The following COX10 variants were observed in gnomAD, a reference collection of about 807,000 sequenced individuals.
COX10 encodes the protein protoheme IX farnesyltransferase, mitochondrial.
In COX10, 27 loss-of-function variants were observed where a neutral mutation model predicts 37.3. That is an observed-to-expected ratio of 0.72 (90% confidence interval 0.53 to 1.00). The LOEUF is 1.00. Ranked by LOEUF, COX10 falls within the 50% of genes least tolerant of loss-of-function variation. The probability of loss-of-function intolerance (pLI) is 0.00; values close to 1 mark genes in which losing one functional copy is unlikely to be tolerated. For synonymous variants in COX10, 222 were observed against 229.1 expected (o/e 0.97, Z 0.28); for missense variants, 475 against 563.2 (o/e 0.84, Z 1.59).
At chr17:14,126,983 G>A (rs886412224) in intron 4 of COX10, among the ~76,000 whole-genome samples, 54 of 151,914 alleles carry the variant, frequency 3.6e-4, no homozygotes, top group South Asian at 6.2e-4. Context: ...TCGAATTCAT[G>A]TTTCCTTGAG....
At chr17:14,181,701 G>A (rs1905865782) in intron 5 of COX10, among the ~76,000 whole-genome samples, 1 of 152,128 alleles carries the variant, frequency 6.6e-6, no homozygotes, top group South Asian at 2.1e-4. Flanking sequence ...TGTCTGTCAC[G>A]TGGCAGGCAT....
intron 5 of COX10, among the ~76,000 whole-genome samples, chr17:14,172,721 G>A (rs1485159172): frequency 6.6e-6 from 1 of 151,822 alleles, no homozygotes; most frequent in East Asian, 1.9e-4. Flanking sequence ...GGAATTACAG[G>A]TGCCAGTCGC....
At position 14,199,955 on chromosome 17, in the gene COX10, G is replaced by A. The variant is rs531803024; in HGVS notation, c.929-6855G>A. Among the ~76,000 whole-genome samples the A allele has an allele frequency of 3.3e-5, 5 of 152,274 alleles. No individual in the cohort carries two copies. In the South Asian group the frequency reaches 6.2e-4, roughly 19 times the overall value. On this transcript the variant is annotated intron_variant, in intron 6 of 6. Transcript: ENST00000261643. ...ATAGAGCCAGTCATGGAGCAGACGC[G>A]CTACCGTGGGCCACATCAGAGAGGA...
intron 6 of COX10, among the ~76,000 whole-genome samples, chr17:14,195,779 A>G (rs2529629): frequency 0.51 from 77,264 of 151,942 alleles, 20,442 homozygotes; most frequent in East Asian, 0.6. Flanking sequence ...GTGGGGTCTG[A>G]GAATTTTTAT....
chr17:14,071,166 T>C (rs1178557451), intron 1 of COX10, among the ~76,000 whole-genome samples: 1 of 152,226 alleles, frequency 6.6e-6, no homozygotes, highest in Admixed American at 6.5e-5. Context: ...TCAAATATCT[T>C]CTCTGTATGG....
chr17:14,142,248 A>G (rs1321593542), intron 4 of COX10, among the ~76,000 whole-genome samples: 6 of 152,236 alleles, frequency 3.9e-5, no homozygotes, highest in Non-Finnish European at 8.8e-5. Flanking sequence ...TTGTCAGAAA[A>G]CTAGATGCTA....
chr17:14,130,162 A>T (rs1026147959), intron 4 of COX10, among the ~76,000 whole-genome samples: 4 of 152,196 alleles, frequency 2.6e-5, no homozygotes, highest in African/African-American at 7.2e-5. Context: ...TAATTATCTT[A>T]GAGGTGATTG....
intron 5 of COX10, among the ~76,000 whole-genome samples, chr17:14,185,555 CATG>C (rs1361845854): frequency 1.1e-4 from 17 of 152,166 alleles, no homozygotes; most frequent in Admixed American, 5.2e-4. Flanking sequence ...TGAATGTAAC[CATG>C]ATATTTAAAG....
At chr17:14,106,102 C>T (rs1177638924) in intron 4 of COX10, among the ~76,000 whole-genome samples, 1 of 152,028 alleles carries the variant, frequency 6.6e-6, no homozygotes, top group Non-Finnish European at 1.5e-5. Context: ...CAACCTCCTC[C>T]ACCTCCTGGG....
Position 14,159,935 on chromosome 17 carries a change from G to T in COX10, c.683G>T (p.Arg228Leu), listed in dbSNP as rs1384631812. Residue 228 changes from arginine to leucine, a missense_variant, in exon 5 of 7, where the codon CGT (arginine) becomes CTT (leucine). Around this residue, in one of 5 missense-constraint regions of COX10, gnomAD observed 54 missense variants for 70.6 expected, o/e 0.76. Coordinates refer to ENST00000261643, the MANE Select transcript of COX10 (RefSeq NM_001303.4). Reference sequence around the variant, plus strand: ...AGGACAAAGAACAGACCGCTGGTTCGTGGACAGATCAGGTAAAATCACGAA... The same window carrying T: ...AGGACAAAGAACAGACCGCTGGTTCTTGGACAGATCAGGTAAAATCACGAA... ...MNRTKNRPLV[R>L]GQISPLLAVS... 6.2e-7 allele frequency: 1 copy of T among 1,612,164 alleles called. No individual in the cohort carries two copies. The highest frequency in any genetic ancestry group is 8.5e-7 in the Non-Finnish European group (1 of 1,179,398).
In COX10 at chr17:14,199,915, AC is replaced by A. The variant is rs558144993; in HGVS notation, c.929-6892del. 7.8e-4 allele frequency among the ~76,000 whole-genome samples: 119 copies of A among 152,232 alleles called. 1 individual carries two copies. Among genetic ancestry groups the A allele is most frequent in the Non-Finnish European group, 1.5e-3 (103 of 68,022 alleles). On this transcript the variant is annotated intron_variant, in intron 6 of 6. Transcript: ENST00000261643. ...AGCCCCCAGTCTACATAACCACATA[AC>A]CCTAAAAGCACAAATAGAGCCAGTC...
chr17:14,069,807 G>C (rs1409057579), intron 1 of COX10, among the ~76,000 whole-genome samples, 159 bp downstream of exon 1: 1 of 152,196 alleles, frequency 6.6e-6, no homozygotes, highest in Non-Finnish European at 1.5e-5. Context: ...AGCTTGGAGT[G>C]AAGAGGTCAC....
At chr17:14,107,933 G>A (rs2142204234) in intron 4 of COX10, among the ~76,000 whole-genome samples, 1 of 152,120 alleles carries the variant, frequency 6.6e-6, no homozygotes. Flanking sequence ...TCAATCTGTT[G>A]GTCATAGTTC....
intron 3 of COX10, among the ~76,000 whole-genome samples, chr17:14,077,855 G>A (rs1288165508): frequency 6.6e-6 from 1 of 151,554 alleles, no homozygotes; most frequent in Non-Finnish European, 1.5e-5. Context: ...GGTAAATAAT[G>A]TTAGAGTCAG....
At chr17:14,182,662 T>C (rs1905904329) in intron 5 of COX10, among the ~76,000 whole-genome samples, 1 of 152,182 alleles carries the variant, frequency 6.6e-6, no homozygotes, top group Non-Finnish European at 1.5e-5. Context: ...TTGGTTTGAT[T>C]AAGGTTTTGC....
chr17:14,160,728 T>C (rs1273223775), intron 5 of COX10, among the ~76,000 whole-genome samples: 26 of 152,292 alleles, frequency 1.7e-4, no homozygotes, highest in Non-Finnish European at 4.4e-5. Context: ...GAAATGATCT[T>C]TAATATTAGC....
In COX10 at chr17:14,207,415, G is replaced by A. The variant is rs1906745032; in HGVS notation, c.*202G>A. On this transcript the variant is annotated 3_prime_UTR_variant, in exon 7 of 7. Transcript: ENST00000261643. ...AATAAGAAATGCATCAGCTCAGTCA[G>A]TGAATACAAAAAAGGAATTATTTTT... 4.5e-6 allele frequency: 3 copies of A among 670,720 alleles called. No individual in the cohort carries two copies. Among genetic ancestry groups the A allele is most frequent in the African/African-American group, 1.8e-5 (1 of 55,070 alleles). 41.5% of individuals were successfully genotyped at this position (670,720 alleles called of 1,614,324 possible). A position where few individuals can be genotyped will look rare whatever the true frequency, so the allele number is the denominator to read the frequency against.
chr17:14,157,885 C>G (rs753867888), intron 4 of COX10, among the ~76,000 whole-genome samples: 1 of 152,148 alleles, frequency 6.6e-6, no homozygotes, highest in African/African-American at 2.4e-5. Flanking sequence ...AAAGGTTAGC[C>G]ATCAAGAGAA....
Position 14,159,927 on chromosome 17 carries a change from G to A in COX10, c.675G>A (p.Pro225=), listed in dbSNP as rs199609301. 2.4e-5 allele frequency: 39 copies of A among 1,612,394 alleles called. No homozygotes were observed. In the African/African-American group the frequency reaches 2.7e-4, roughly 11 times the overall value. ...ACATGAATAGGACAAAGAACAGACC[G>A]CTGGTTCGTGGACAGATCAGGTAAA... is the stretch of plus-strand genomic sequence containing the variant. ...DSNMNRTKNR[P]LVRGQISPLL... Residue 225 remains proline (P), a synonymous_variant, in exon 5 of 7, where the codon CCG becomes CCA. Coordinates refer to ENST00000261643, the MANE Select transcript of COX10 (RefSeq NM_001303.4).
Sources: gnomAD v4.1 joint callset for allele counts (sites outside exome capture counted in the v4.1 genomes callset) on GRCh38, gnomAD v4.1.1 for gene constraint, gnomAD v4.1.1 regional missense constraint, MANE v1.5 for transcripts, NCBI Gene and HGNC (gene_info 2026-07-23, HGNC 2026-07-21) for gene names.